CDH18: variants seen among roughly 807,000 people sequenced by gnomAD.
CDH18 encodes cadherin-18.
In CDH18, 31 loss-of-function variants were observed where a neutral mutation model predicts 67.9. The observed-to-expected ratio is 0.46, with a 90% CI of 0.34 to 0.62. The LOEUF is 0.62. Among genes scored for constraint, CDH18 ranks in the 20% least tolerant of loss-of-function variants. The pLI is 0.01. For missense variants in CDH18, 890 were observed against 975.5 expected, an observed-to-expected ratio of 0.91 and a Z score of 1.17; for synonymous variants, 362 against 347.2, an observed-to-expected ratio of 1.04 and a Z score of -0.48.
chr5:20,124,110 C>T (rs900154903), intron 2 of CDH18, among the ~76,000 whole-genome samples: 1 of 152,030 alleles, frequency 6.6e-6, no homozygotes, highest in East Asian at 1.9e-4. Context: ...TAGAAACCTC[C>T]AGAGAATACT....
chr5:20,319,096 C>G (rs962345204), intron 1 of CDH18, among the ~76,000 whole-genome samples: 5 of 152,136 alleles, frequency 3.3e-5, no homozygotes, highest in African/African-American at 1.2e-4. Flanking sequence ...CCTCACGATC[C>G]TGCTATCATT....
chr5:19,941,947 C>G (rs145196395), intron 2 of CDH18, among the ~76,000 whole-genome samples: 346 of 152,160 alleles, frequency 2.3e-3, no homozygotes, highest in African/African-American at 7.7e-3. Flanking sequence ...CAATCATGTT[C>G]ATTTCATTGC....
intron 1 of CDH18, among the ~76,000 whole-genome samples, chr5:20,339,917 A>G (rs12188808): frequency 0.43 from 64,695 of 152,116 alleles, 15,924 homozygotes; most frequent in Middle Eastern, 0.61. Flanking sequence ...TTGAAGACAA[A>G]CTTTGTGTCT....
At chr5:19,772,872 T>C (rs1347958010) in intron 3 of CDH18, among the ~76,000 whole-genome samples, 2 of 152,200 alleles carry the variant, frequency 1.3e-5, no homozygotes, top group Non-Finnish European at 2.9e-5. Flanking sequence ...TGTACAAAAC[T>C]GTAAATACAT....
chr5:20,367,605 C>G (rs946840626), intron 1 of CDH18, among the ~76,000 whole-genome samples: 17 of 152,266 alleles, frequency 1.1e-4, no homozygotes, highest in African/African-American at 4.1e-4. Context: ...TTCCCACAAA[C>G]AAGTCTTATA....
At chr5:20,041,744 A>T (rs1331592752) in intron 2 of CDH18, among the ~76,000 whole-genome samples, 1 of 152,232 alleles carries the variant, frequency 6.6e-6, no homozygotes, top group Admixed American at 6.5e-5. Flanking sequence ...CTTAACTGCT[A>T]GCTAGCAGAA....
At chr5:20,182,124 T>C (rs1339347350) in intron 2 of CDH18, among the ~76,000 whole-genome samples, 2 of 152,138 alleles carry the variant, frequency 1.3e-5, no homozygotes, top group Non-Finnish European at 2.9e-5. Context: ...TTTCACTCCT[T>C]CCAAATACTG....
At chr5:19,779,003 C>G (rs941806615) in intron 3 of CDH18, among the ~76,000 whole-genome samples, 8 of 152,084 alleles carry the variant, frequency 5.3e-5, no homozygotes, top group Non-Finnish European at 8.8e-5. Flanking sequence ...TGCACACACA[C>G]AAGATTTCAT....
chr5:19,881,725 C>T (rs916912539), intron 2 of CDH18, among the ~76,000 whole-genome samples: 1 of 151,932 alleles, frequency 6.6e-6, no homozygotes, highest in African/African-American at 2.4e-5. Flanking sequence ...AGACTGGTCT[C>T]GTACTCTTGA....
In CDH18 at chr5:20,058,592, C is replaced by T. The variant is rs367891886; in HGVS notation, c.-517-66578G>A. 1.8e-4 allele frequency among the ~76,000 whole-genome samples: 27 copies of T among 152,220 alleles called. 2 individuals are homozygous for T. Among genetic ancestry groups the T allele is most frequent in the Admixed American group, 5.9e-4 (9 of 15,300 alleles). On this transcript the variant is annotated intron_variant, in intron 2 of 14. Transcript: ENST00000507958. ...TGTAACATCATTCTACAGTACTATA[C>T]TCAAGTTTCCGAGCCTAGCCAAAGA...
In CDH18 at chr5:20,025,795, T is replaced by C. The variant is rs186463440; in HGVS notation, c.-517-33781A>G. Among the ~76,000 whole-genome samples the C allele has an allele frequency of 2.6e-3, 402 of 152,346 alleles. 1 individual carries two copies. Among genetic ancestry groups the C allele is most frequent in the African/African-American group, 9.2e-3 (381 of 41,586 alleles). ...CTCATTGTTAGTGCCAATTCAAAAT[T>C]ATCAGTGTTCAAGATTGTTTTCTAA... On this transcript the variant is annotated intron_variant, in intron 2 of 14. Transcript: ENST00000507958.
chr5:19,884,068 T>C (rs1176355358), intron 2 of CDH18, among the ~76,000 whole-genome samples: 1 of 152,130 alleles, frequency 6.6e-6, no homozygotes, highest in Non-Finnish European at 1.5e-5. Context: ...AAATGTATAA[T>C]CTTTAAGCCT....
intron 10 of CDH18, among the ~76,000 whole-genome samples, chr5:19,509,729 T>C (rs1276514342): frequency 6.6e-6 from 1 of 152,164 alleles, no homozygotes; most frequent in Non-Finnish European, 1.5e-5. Context: ...ACAGAGGAAG[T>C]TTAATATGCA....
chr5:19,881,199 G>T (rs75336455), intron 2 of CDH18, among the ~76,000 whole-genome samples: 4,493 of 152,216 alleles, frequency 0.03, 244 homozygotes, highest in African/African-American at 0.1. Flanking sequence ...GAAAAGGGAA[G>T]AGAGTAAGTC....
At chr5:19,921,286 C>T (rs1474406827) in intron 2 of CDH18, among the ~76,000 whole-genome samples, 1 of 152,152 alleles carries the variant, frequency 6.6e-6, no homozygotes, top group Non-Finnish European at 1.5e-5. Flanking sequence ...AATCCCAGCA[C>T]TTTGGGAGGC....
In CDH18 at chr5:19,473,203, A is replaced by G. The variant is rs1359448064; in HGVS notation, c.*23T>C. On this transcript the variant is annotated 3_prime_UTR_variant, in exon 13 of 13. Coordinates refer to ENST00000382275, the MANE Select transcript of CDH18 (RefSeq NM_004934.5). ...TCCACTTACTCAGGAAGCAAATTCC[A>G]CAAGGTTGCAAGAACTGACCCCCTA... 1.2e-6 allele frequency: 2 copies of G among 1,604,478 alleles called. No individual in the cohort carries two copies. Among genetic ancestry groups the G allele is most frequent in the Non-Finnish European group, 8.5e-7 (1 of 1,174,076 alleles).
chr5:20,533,428 C>T (rs1756533161), intron 1 of CDH18, among the ~76,000 whole-genome samples: 1 of 152,074 alleles, frequency 6.6e-6, no homozygotes. Flanking sequence ...GCTGCTTACA[C>T]AGGGAAGCAG....
intron 5 of CDH18, among the ~76,000 whole-genome samples, chr5:19,704,027 G>A (rs1763631733): frequency 6.6e-6 from 1 of 152,128 alleles, no homozygotes; most frequent in South Asian, 2.1e-4. Flanking sequence ...GGAAAGCAGA[G>A]CCAGGAGAGG....
chr5:19,621,188 C>T (rs1266415634), intron 5 of CDH18, among the ~76,000 whole-genome samples: 2 of 149,748 alleles, frequency 1.3e-5, no homozygotes, highest in Admixed American at 1.3e-4. Context: ...GTCAGAAGCC[C>T]TGTGGTTTAG....
Sources: allele counts gnomAD v4.1 joint callset (sites outside exome capture counted in the v4.1 genomes callset), GRCh38; gene constraint gnomAD v4.1.1; transcripts MANE v1.5; gene names NCBI Gene and HGNC (gene_info 2026-07-23, HGNC 2026-07-21).